Variants in SPPL3 observed in about 807,000 individuals in gnomAD.
SPPL3 encodes signal peptide peptidase-like 3.
SPPL3 carries 5 observed loss-of-function variants against 42.4 expected under a neutral mutation model. The observed-to-expected ratio is 0.12, with a 90% CI of 0.06 to 0.25. SPPL3 has a LOEUF of 0.25. SPPL3 is among the 10% of genes least tolerant of loss of function. The probability of loss-of-function intolerance (pLI) is 1.00; values close to 1 mark genes in which losing one functional copy is unlikely to be tolerated. For synonymous variants in SPPL3, 195 were observed against 181.8 expected (o/e 1.07, Z -0.58); for missense variants, 235 against 489.0 (o/e 0.48, Z 4.90).
intron 1 of SPPL3, among the ~76,000 whole-genome samples, chr12:120,816,024 C>T (rs1350904250): frequency 6.6e-6 from 1 of 152,150 alleles, no homozygotes; most frequent in Admixed American, 6.6e-5. Flanking sequence ...GCCACCACAC[C>T]TGGCCTGGAT....
chr12:120,861,265 C>T (rs1336957523), intron 1 of SPPL3, among the ~76,000 whole-genome samples: 6 of 152,082 alleles, frequency 3.9e-5, no homozygotes, highest in Non-Finnish European at 7.4e-5. Context: ...GGCTGTGTTA[C>T]AATAAAGCTT....
chr12:120,871,130 C>CAGAAAAA (rs1555253610), intron 1 of SPPL3, among the ~76,000 whole-genome samples: 1 of 51,686 alleles, frequency 1.9e-5, no homozygotes, highest in Non-Finnish European at 3.6e-5. Context: ...ACTCCGTCTC[C>CAGAAAAA]AAAAAAAAAA....
chr12:120,863,872 C>G (rs538166944), intron 1 of SPPL3, among the ~76,000 whole-genome samples: 3 of 150,710 alleles, frequency 2.0e-5, no homozygotes, highest in African/African-American at 4.9e-5. Flanking sequence ...AGAGATGGAG[C>G]CTTGCTTGCT....
chr12:120,780,076 G>A (rs1282985552), intron 6 of SPPL3, among the ~76,000 whole-genome samples: 2 of 151,042 alleles, frequency 1.3e-5, no homozygotes, highest in African/African-American at 4.8e-5. Context: ...GCTGGGCCTC[G>A]TGGCTCAGTA....
chr12:120,766,465 T>C (rs1868911939), intron 9 of SPPL3, 93 bp from the exon 10 acceptor site: 1 of 968,054 alleles, frequency 1.0e-6, no homozygotes, highest in South Asian at 1.8e-5. Context: ...ACAGATCTAA[T>C]GTGCTGTCGT....
At chr12:120,772,619 A>ACCAGTTC (rs1869164365) in intron 6 of SPPL3, among the ~76,000 whole-genome samples, 1 of 152,244 alleles carries the variant, frequency 6.6e-6, no homozygotes, top group Non-Finnish European at 1.5e-5. Flanking sequence ...TTTCATTTTC[A>ACCAGTTC]TAGAACTGGT....
At chr12:120,856,392 C>T (rs890001477) in intron 1 of SPPL3, among the ~76,000 whole-genome samples, 1 of 151,852 alleles carries the variant, frequency 6.6e-6, no homozygotes, top group African/African-American at 2.4e-5. Flanking sequence ...CGCAGCAAGC[C>T]TAGAGGTGAG....
intron 1 of SPPL3, among the ~76,000 whole-genome samples, chr12:120,874,511 A>C (rs1049416886): frequency 1.3e-5 from 2 of 151,978 alleles, no homozygotes; most frequent in Non-Finnish European, 1.5e-5. Flanking sequence ...AGACATGTTT[A>C]AAACAAAAAT....
chr12:120,850,492 T>TAAAAAAAAA lies in SPPL3; in HGVS notation c.24-39615_24-39607dup, dbSNP rs11413210. 8.4e-5 allele frequency among the ~76,000 whole-genome samples: 10 copies of TAAAAAAAAA among 119,408 alleles called. 3 individuals carry two copies. The highest frequency in any genetic ancestry group is 1.0e-4 in the Non-Finnish European group (6 of 57,724). 78.3% of individuals were successfully genotyped at this position (119,408 alleles called of 152,430 possible). On this transcript the variant is annotated intron_variant, in intron 1 of 10. Transcript: ENST00000353487. ...TGGACAACATAGTGAGACCAGCCTT[T>TAAAAAAAAA]AAAAAAAAAAAAAAAAAAAAACAAA...
rs113529833 is a variant in SPPL3, at chr12:120,891,359, A to G, written c.23+12486T>C. On this transcript the variant is annotated intron_variant, in intron 1 of 10. Transcript: ENST00000353487. ...CAGATGACGGTGTTATTTAATTCTG[A>G]CCTAAGATTGAGGCACTGCTATATC... Among the ~76,000 whole-genome samples the G allele has an allele frequency of 8.5e-5, 13 of 152,212 alleles. 1 individual carries two copies. Among genetic ancestry groups the G allele is most frequent in the African/African-American group, 2.9e-4 (12 of 41,514 alleles).
At chr12:120,772,315 C>T (rs1869153508) in intron 6 of SPPL3, among the ~76,000 whole-genome samples, 1 of 152,208 alleles carries the variant, frequency 6.6e-6, no homozygotes, top group Non-Finnish European at 1.5e-5. Context: ...AGCCACCGCG[C>T]CCGGCCCAGT....
At chr12:120,865,274 C>T (rs962565456) in intron 1 of SPPL3, among the ~76,000 whole-genome samples, 2 of 152,312 alleles carry the variant, frequency 1.3e-5, no homozygotes, top group East Asian at 3.9e-4. Context: ...TGTTACCTCA[C>T]GCTCATAGCG....
chr12:120,802,331 T>TTATA (rs1555248838), intron 2 of SPPL3, among the ~76,000 whole-genome samples: 1 of 147,114 alleles, frequency 6.8e-6, no homozygotes, highest in East Asian at 1.9e-4. Flanking sequence ...GCTGCTGCTT[T>TTATA]TATATATGTA....
intron 1 of SPPL3, among the ~76,000 whole-genome samples, chr12:120,847,330 T>C (rs1872075430): frequency 6.6e-6 from 1 of 152,164 alleles, no homozygotes; most frequent in African/African-American, 2.4e-5. Context: ...TCTCACTCTG[T>C]CACCCAGGCT....
At chr12:120,835,127 C>T (rs996183227) in intron 1 of SPPL3, among the ~76,000 whole-genome samples, 4 of 152,188 alleles carry the variant, frequency 2.6e-5, no homozygotes, top group African/African-American at 4.8e-5. Flanking sequence ...AAAACAGGGA[C>T]CCTGTTCCAA....
At chr12:120,865,989 G>A (rs1872744000) in intron 1 of SPPL3, among the ~76,000 whole-genome samples, 1 of 152,190 alleles carries the variant, frequency 6.6e-6, no homozygotes, top group African/African-American at 2.4e-5. Context: ...GATCTAGGTT[G>A]TGTGCTCCTT....
At chr12:120,848,998 T>C (rs1872136558) in intron 1 of SPPL3, among the ~76,000 whole-genome samples, 1 of 151,960 alleles carries the variant, frequency 6.6e-6, no homozygotes, top group Non-Finnish European at 1.5e-5. Flanking sequence ...TATCCATCTC[T>C]ACAAAAAATT....
intron 2 of SPPL3, among the ~76,000 whole-genome samples, chr12:120,794,999 C>T (rs1263341887): frequency 1.3e-5 from 2 of 152,162 alleles, no homozygotes; most frequent in African/African-American, 4.8e-5. Flanking sequence ...AAACTCCTTA[C>T]AATAGTTTAT....
intron 1 of SPPL3, among the ~76,000 whole-genome samples, chr12:120,839,467 C>T (rs1001722940): frequency 2.0e-5 from 3 of 151,654 alleles, no homozygotes; most frequent in African/African-American, 7.3e-5. Context: ...ATGTAACTAA[C>T]CTGTACATTG....
Sources: allele counts gnomAD v4.1 joint callset (sites outside exome capture counted in the v4.1 genomes callset), GRCh38; gene constraint gnomAD v4.1.1; transcripts MANE v1.5; gene names NCBI Gene and HGNC (gene_info 2026-07-23, HGNC 2026-07-21).